The following DLG2 variants were observed in gnomAD, a reference collection of about 807,000 sequenced individuals.
The protein encoded by DLG2 is disks large homolog 2.
In DLG2, 45 loss-of-function variants were observed where a neutral mutation model predicts 132.5. The ratio of observed to expected loss-of-function variants is 0.34; its 90% CI spans 0.27 to 0.44. The LOEUF (loss-of-function observed/expected upper bound fraction) is 0.44, where lower values mean the gene tolerates loss of function less well. DLG2 is among the 20% of genes least tolerant of loss of function. The pLI, the probability that DLG2 is intolerant of heterozygous loss-of-function variation, is 1.00. For missense variants in DLG2, 1,045 were observed against 1,196.9 expected, an observed-to-expected ratio of 0.87 and a Z score of 1.87; for synonymous variants, 424 against 419.6, an observed-to-expected ratio of 1.01 and a Z score of -0.13.
chr11:84,031,599 G>C (rs2095694123), intron 11 of DLG2, among the ~76,000 whole-genome samples: 1 of 152,092 alleles, frequency 6.6e-6, no homozygotes, highest in Admixed American at 6.6e-5. Flanking sequence ...TATGTACAAG[G>C]CTTCACACAG....
chr11:84,413,193 C>G (rs1405826785), intron 7 of DLG2, among the ~76,000 whole-genome samples: 1 of 152,104 alleles, frequency 6.6e-6, no homozygotes, highest in East Asian at 1.9e-4. Context: ...ACATCCAGAG[C>G]CCACCTAGGT....
intron 10 of DLG2, among the ~76,000 whole-genome samples, chr11:84,077,926 T>C (rs1370193084): frequency 6.6e-6 from 1 of 152,184 alleles, no homozygotes; most frequent in Admixed American, 6.5e-5. Flanking sequence ...TGTACAAATA[T>C]AAATCTGATG....
chr11:83,601,870 C>T (rs2058628460), intron 19 of DLG2, among the ~76,000 whole-genome samples: 1 of 152,032 alleles, frequency 6.6e-6, no homozygotes, highest in Non-Finnish European at 1.5e-5. Context: ...GATCACAGAT[C>T]TTTGCTTCTG....
At chr11:84,711,017 TATATATATATATATAG>T (rs2153767984) in intron 6 of DLG2, among the ~76,000 whole-genome samples, 1 of 88,778 alleles carries the variant, frequency 1.1e-5, no homozygotes, top group African/African-American at 4.5e-5. Flanking sequence ...TAGATATATA[TATATATATATATATAG>T]AGCTGAAAAA....
intron 12 of DLG2, among the ~76,000 whole-genome samples, chr11:83,976,177 A>G (rs976568643): frequency 1.3e-5 from 2 of 151,946 alleles, no homozygotes; most frequent in African/African-American, 4.8e-5. Context: ...TTAAAAAATG[A>G]CTGTGCTCTC....
At position 83,593,854 on chromosome 11, in the gene DLG2, A is replaced by G. The variant is rs117552236; in HGVS notation, c.1940+39357T>C. Reference sequence around the variant, plus strand: ...TTCTCACTGCTTGAAAAAAAAAGATAAAATAGTGCTGTCATTTGACAGATT... The same window carrying G: ...TTCTCACTGCTTGAAAAAAAAAGATGAAATAGTGCTGTCATTTGACAGATT... On this transcript the variant is annotated intron_variant, in intron 19 of 27. Coordinates refer to ENST00000376104, the MANE Select transcript of DLG2 (RefSeq NM_001142699.3). 3.4e-4 allele frequency among the ~76,000 whole-genome samples: 52 copies of G among 152,218 alleles called. No individual in the cohort carries two copies. The East Asian group carries it at 7.2e-3, about 21-fold the overall frequency.
In DLG2 at chr11:85,129,430, A is replaced by T. The variant is rs536944533; in HGVS notation, c.283-17695T>A. Reference sequence around the variant, plus strand: ...ATCAGAGCATTTACACAAAATCCACAATCATTTCCTTCCCTTTATATGTAG... The same window carrying T: ...ATCAGAGCATTTACACAAAATCCACTATCATTTCCTTCCCTTTATATGTAG... On this transcript the variant is annotated intron_variant, in intron 5 of 27. Transcript: ENST00000376104. Among the ~76,000 whole-genome samples, 3 of 152,346 alleles carry T rather than the reference A, an allele frequency of 2.0e-5. No homozygotes were observed. The East Asian group carries it at 5.8e-4, about 29-fold the overall frequency.
intron 6 of DLG2, among the ~76,000 whole-genome samples, chr11:84,985,265 T>C (rs564965737): frequency 2.4e-4 from 37 of 152,230 alleles, no homozygotes; most frequent in African/African-American, 8.7e-4. Flanking sequence ...AAATTGAAAT[T>C]ATATCAAGCA....
chr11:84,009,747 GT>G (rs1436523230), intron 11 of DLG2, among the ~76,000 whole-genome samples: 1 of 151,828 alleles, frequency 6.6e-6, no homozygotes, highest in Non-Finnish European at 1.5e-5. Context: ...AATAATGATT[GT>G]TTTTATTATT....
At chr11:84,901,183 T>C (rs1430298678) in intron 6 of DLG2, among the ~76,000 whole-genome samples, 2 of 152,094 alleles carry the variant, frequency 1.3e-5, no homozygotes, top group Non-Finnish European at 2.9e-5. Context: ...AGCCATAATA[T>C]ATATTTCCAC....
chr11:84,323,083 T>A (rs1386863924), intron 7 of DLG2, among the ~76,000 whole-genome samples: 1 of 152,160 alleles, frequency 6.6e-6, no homozygotes, highest in Non-Finnish European at 1.5e-5. Context: ...CTCTCTTAAA[T>A]TTTTAAGTGT....
chr11:84,321,214 T>C (rs2098402664), intron 7 of DLG2, among the ~76,000 whole-genome samples: 1 of 152,150 alleles, frequency 6.6e-6, no homozygotes, highest in Non-Finnish European at 1.5e-5. Flanking sequence ...ATCTATTTCT[T>C]TCAATCACCA....
intron 7 of DLG2, among the ~76,000 whole-genome samples, chr11:84,448,043 G>A (rs1302589294): frequency 6.6e-6 from 1 of 152,100 alleles, no homozygotes; most frequent in Non-Finnish European, 1.5e-5. Flanking sequence ...CAGTGCTAAA[G>A]ATGCCTAATT....
chr11:84,523,041 G>C (rs2099309330), intron 7 of DLG2, among the ~76,000 whole-genome samples: 1 of 152,132 alleles, frequency 6.6e-6, no homozygotes, highest in African/African-American at 2.4e-5. Context: ...CCCTTACTTA[G>C]CTGAGATAGG....
At chr11:83,503,416 T>TAGATAGATAG (rs1287156340) in intron 21 of DLG2, among the ~76,000 whole-genome samples, 2 of 71,450 alleles carry the variant, frequency 2.8e-5, no homozygotes, top group East Asian at 5.9e-4. Context: ...TATATATATA[T>TAGATAGATAG]ATATATAGAT....
intron 3 of DLG2, among the ~76,000 whole-genome samples, chr11:85,430,886 C>CACTTGAAT (rs1326294419): frequency 6.8e-6 from 1 of 148,100 alleles, no homozygotes; most frequent in Non-Finnish European, 1.5e-5. Flanking sequence ...GCACAAGAAT[C>CACTTGAAT]ACTTGAATCT....
chr11:83,573,012 C>A (rs1258991735), intron 19 of DLG2, among the ~76,000 whole-genome samples: 1 of 152,038 alleles, frequency 6.6e-6, no homozygotes, highest in African/African-American at 2.4e-5. Flanking sequence ...GTTTCATGTG[C>A]CATTTAGTTT....
intron 8 of DLG2, among the ~76,000 whole-genome samples, chr11:84,202,651 C>A (rs1451300882): frequency 2.6e-5 from 4 of 152,076 alleles, no homozygotes; most frequent in Admixed American, 2.0e-4. Context: ...TTCTGCACAG[C>A]AAAAGAAACT....
At chr11:83,874,729 C>T (rs183875762) in intron 15 of DLG2, among the ~76,000 whole-genome samples, 131 of 152,018 alleles carry the variant, frequency 8.6e-4, no homozygotes, top group Middle Eastern at 3.4e-3. Flanking sequence ...ACATTTTAAT[C>T]GGTCCTATTG....
Sources: allele counts gnomAD v4.1 joint callset (sites outside exome capture counted in the v4.1 genomes callset), GRCh38; gene constraint gnomAD v4.1.1; transcripts MANE v1.5; gene names NCBI Gene and HGNC (gene_info 2026-07-23, HGNC 2026-07-21).